SETD2: variants seen among roughly 807,000 people sequenced by gnomAD.
SETD2 encodes histone-lysine N-methyltransferase SETD2.
SETD2 carries 31 observed loss-of-function variants against 242.1 expected under a neutral mutation model. The ratio of observed to expected loss-of-function variants is 0.13; its 90% CI spans 0.10 to 0.17. The LOEUF is 0.17. Among genes scored for constraint, SETD2 ranks in the 10% least tolerant of loss-of-function variants. The pLI, the probability that SETD2 is intolerant of heterozygous loss-of-function variation, is 1.00. For synonymous variants in SETD2, 1,006 were observed against 1,066.5 expected, an observed-to-expected ratio of 0.94 and a Z score of 1.11; for missense variants, 2,481 against 3,046.3, an observed-to-expected ratio of 0.81 and a Z score of 4.37.
chr3:47,163,917 T>G lies in SETD2; in HGVS notation c.8A>C (p.Gln3Pro). The G allele has an allele frequency of 7.6e-7, 1 of 1,310,512 alleles. No homozygotes were observed. The allele number at this position is 1,310,512 out of a possible 1,614,324, so 81.2% of individuals were successfully genotyped here. A position where few individuals can be genotyped will look rare whatever the true frequency, so the allele number is the denominator to read the frequency against. Reference protein sequence around the residue: MKQLQPQPPPKMG... With the variant: MKPLQPQPPPKMG... ...CTTCGGAGGCGGCTGCGGCTGCAGCTGCTTCATCGGGAGCGGCTGGAGACG... is the reference window on the plus strand; with the variant it reads ...CTTCGGAGGCGGCTGCGGCTGCAGCGGCTTCATCGGGAGCGGCTGGAGACG... The change falls in exon 1 of 21, where the codon CAG (glutamine) becomes CCG (proline). Residue 3 changes from glutamine to proline, a missense_variant. By Grantham distance (76) the Gln-to-Pro change is moderately conservative. Around this residue, in one of 17 missense-constraint regions of SETD2, gnomAD observed 334 missense variants for 374.5 expected, o/e 0.89. Transcript: ENST00000409792.
chr3:47,018,806 T>C (rs2038091530), intron 19 of SETD2, among the ~76,000 whole-genome samples: 1 of 152,194 alleles, frequency 6.6e-6, no homozygotes, highest in Admixed American at 6.5e-5. Flanking sequence ...AGCCCTCCCA[T>C]ATCTTGTGCT....
intron 15 of SETD2, among the ~76,000 whole-genome samples, chr3:47,049,141 G>A (rs1018304729): frequency 2.0e-5 from 3 of 151,220 alleles, no homozygotes; most frequent in Non-Finnish European, 2.9e-5. Context: ...ACAGGGTTTC[G>A]CTATGTTGTC....
At chr3:47,136,492 T>C (rs1464233270) in intron 1 of SETD2, among the ~76,000 whole-genome samples, 1 of 152,164 alleles carries the variant, frequency 6.6e-6, no homozygotes, top group Non-Finnish European at 1.5e-5. Flanking sequence ...TGCAGCAACA[T>C]GTATGGAGCT....
intron 17 of SETD2, among the ~76,000 whole-genome samples, chr3:47,039,194 T>C (rs939611939): frequency 6.6e-6 from 1 of 152,098 alleles, no homozygotes; most frequent in South Asian, 2.1e-4. Context: ...AAGGTACACA[T>C]ATAAATAAGA....
At chr3:47,068,707 G>A (rs2040678704) in intron 12 of SETD2, among the ~76,000 whole-genome samples, 1 of 152,156 alleles carries the variant, frequency 6.6e-6, no homozygotes, top group African/African-American at 2.4e-5. Flanking sequence ...ATGTTAGCCA[G>A]GTTGGTCTCG....
chr3:47,112,417 G>A (rs2042692866), intron 5 of SETD2, among the ~76,000 whole-genome samples: 1 of 152,066 alleles, frequency 6.6e-6, no homozygotes, highest in Admixed American at 6.6e-5. Context: ...AAGTAACTGG[G>A]ATTATTGGTG....
At chr3:47,143,756 G>T (rs2043789073) in intron 1 of SETD2, among the ~76,000 whole-genome samples, 1 of 151,930 alleles carries the variant, frequency 6.6e-6, no homozygotes, top group African/African-American at 2.4e-5. Context: ...TGTCGCCCAG[G>T]CTGGAGTGCA....
At chr3:47,118,429 T>G in intron 3 of SETD2, among the ~76,000 whole-genome samples, 1 of 152,112 alleles carries the variant, frequency 6.6e-6, no homozygotes, top group East Asian at 1.9e-4. Flanking sequence ...CTTCAAAATT[T>G]TGAATATATA....
chr3:47,095,344 C>T (rs1305568727), intron 9 of SETD2, among the ~76,000 whole-genome samples: 1 of 152,106 alleles, frequency 6.6e-6, no homozygotes, highest in Admixed American at 6.6e-5. Context: ...CCATGTTGGC[C>T]AGGCTGGTCT....
intron 12 of SETD2, among the ~76,000 whole-genome samples, chr3:47,076,398 A>G (rs1419970822): frequency 6.6e-6 from 1 of 152,228 alleles, no homozygotes; most frequent in African/African-American, 2.4e-5. Context: ...AAAATTTTAA[A>G]TAGGAAACTG....
intron 1 of SETD2, among the ~76,000 whole-genome samples, chr3:47,148,487 G>A (rs1246722298): frequency 2.0e-5 from 3 of 151,952 alleles, no homozygotes; most frequent in Non-Finnish European, 4.4e-5. Flanking sequence ...TTTTAATGAA[G>A]ACAAAAAATA....
intron 8 of SETD2, among the ~76,000 whole-genome samples, chr3:47,100,399 T>C (rs2042164192): frequency 6.6e-6 from 1 of 152,094 alleles, no homozygotes; most frequent in Non-Finnish European, 1.5e-5. Flanking sequence ...TAGCTGGGAT[T>C]ACAGGCGTGC....
At chr3:47,144,215 C>T (rs1466058633) in intron 1 of SETD2, among the ~76,000 whole-genome samples, 1 of 152,124 alleles carries the variant, frequency 6.6e-6, no homozygotes, top group Non-Finnish European at 1.5e-5. Context: ...TATCAGAAGC[C>T]AGGTGCAGTG....
intron 4 of SETD2, among the ~76,000 whole-genome samples, chr3:47,115,367 A>T (rs898068377): frequency 3.3e-5 from 5 of 152,208 alleles, no homozygotes; most frequent in Non-Finnish European, 5.9e-5. Context: ...AGGAAAACCC[A>T]GAAGAATGAC....
intron 15 of SETD2, among the ~76,000 whole-genome samples, chr3:47,053,464 G>A (rs1414569970): frequency 1.3e-5 from 2 of 151,902 alleles, no homozygotes; most frequent in Admixed American, 1.3e-4. Flanking sequence ...AACTTTGTGA[G>A]AGTAAGTCAC....
intron 4 of SETD2, among the ~76,000 whole-genome samples, chr3:47,115,003 G>T (rs1310262691): frequency 6.6e-6 from 1 of 151,906 alleles, no homozygotes; most frequent in East Asian, 1.9e-4. Context: ...ATTTGCTCTA[G>T]AGTGAGGCAG....
intron 11 of SETD2, among the ~76,000 whole-genome samples, chr3:47,085,938 A>G (rs1327533399): frequency 6.6e-6 from 1 of 152,160 alleles, no homozygotes; most frequent in Non-Finnish European, 1.5e-5. Flanking sequence ...TTGTTATTAT[A>G]TCTTGCTCTT....
chr3:47,134,382 G>A (rs1420440986), intron 1 of SETD2, among the ~76,000 whole-genome samples: 1 of 152,116 alleles, frequency 6.6e-6, no homozygotes, highest in African/African-American at 2.4e-5. Flanking sequence ...TATGCATCAG[G>A]CAGAAATCTT....
At chr3:47,119,803 T>A (rs1432808488) in intron 3 of SETD2, 1 of 475,392 alleles carries the variant, frequency 2.1e-6, no homozygotes, top group Non-Finnish European at 4.3e-6. Flanking sequence ...GAAAATAAAA[T>A]CCAAAGTAAC....
Sources: gnomAD v4.1 joint callset for allele counts (sites outside exome capture counted in the v4.1 genomes callset) on GRCh38, gnomAD v4.1.1 for gene constraint, gnomAD v4.1.1 regional missense constraint, MANE v1.5 for transcripts, NCBI Gene and HGNC (gene_info 2026-07-23, HGNC 2026-07-21) for gene names.